Variants in DTNB observed in about 807,000 individuals in gnomAD.
DTNB encodes dystrobrevin beta, also known as DTN-B.
Under a neutral mutation model 90.7 loss-of-function variants are expected in DTNB, and 63 were observed. The observed-to-expected ratio is 0.69, with a 90% CI of 0.57 to 0.86. The LOEUF (loss-of-function observed/expected upper bound fraction) is 0.86. Ranked by LOEUF, DTNB falls within the 40% of genes least tolerant of loss-of-function variation. The pLI is 0.00. For synonymous variants in DTNB, 277 were observed against 286.7 expected, an observed-to-expected ratio of 0.97 and a Z score of 0.34; for missense variants, 744 against 807.1, an observed-to-expected ratio of 0.92 and a Z score of 0.95.
chr2:25,412,001 G>C (rs2046743130), intron 16 of DTNB, among the ~76,000 whole-genome samples: 1 of 152,198 alleles, frequency 6.6e-6, no homozygotes, highest in Admixed American at 6.5e-5. Context: ...AAGGGAACGT[G>C]ACCCATGAGG....
intron 2 of DTNB, among the ~76,000 whole-genome samples, chr2:25,643,052 C>G (rs754779841): frequency 3.3e-5 from 5 of 152,152 alleles, no homozygotes; most frequent in Non-Finnish European, 5.9e-5. Context: ...CCGCGCCCGG[C>G]CCCAGTAGAG....
At chr2:25,391,651 T>A (rs1179106209) in intron 16 of DTNB, among the ~76,000 whole-genome samples, 1 of 152,114 alleles carries the variant, frequency 6.6e-6, no homozygotes. Flanking sequence ...GATAGAAATG[T>A]AAAATGGCCA....
At chr2:25,493,220 C>T (rs746829350) in intron 9 of DTNB, among the ~76,000 whole-genome samples, 7 of 152,072 alleles carry the variant, frequency 4.6e-5, no homozygotes, top group African/African-American at 7.2e-5. Flanking sequence ...TTCATTTGCT[C>T]GACTTCTTTT....
intron 12 of DTNB, among the ~76,000 whole-genome samples, chr2:25,445,920 G>GTT (rs11453188): frequency 0.029 from 4,034 of 137,052 alleles, 169 homozygotes; most frequent in African/African-American, 0.088. Flanking sequence ...ACCCTGGGTA[G>GTT]TTTTTTTTTT....
chr2:25,538,273 C>A (rs774868245), intron 8 of DTNB, among the ~76,000 whole-genome samples: 1 of 152,056 alleles, frequency 6.6e-6, no homozygotes, highest in Non-Finnish European at 1.5e-5. Context: ...GGTGTGATGA[C>A]ACATGCCTGT....
At chr2:25,492,787 C>A (rs535831351) in intron 9 of DTNB, among the ~76,000 whole-genome samples, 8 of 152,096 alleles carry the variant, frequency 5.3e-5, no homozygotes, top group African/African-American at 1.9e-4. Flanking sequence ...GAGACTGAGG[C>A]TGTAGTGAGC....
intron 16 of DTNB, among the ~76,000 whole-genome samples, chr2:25,392,113 A>C (rs921895166): frequency 6.6e-6 from 1 of 152,188 alleles, no homozygotes; most frequent in Non-Finnish European, 1.5e-5. Context: ...ACAATACAAA[A>C]GATAAATGAA....
intron 4 of DTNB, among the ~76,000 whole-genome samples, chr2:25,615,743 T>C (rs1358034532): frequency 3.9e-5 from 6 of 152,214 alleles, no homozygotes; most frequent in Admixed American, 3.3e-4. Flanking sequence ...AACATGTATA[T>C]TTCTTATTAT....
rs555121961 is a variant in DTNB, at chr2:25,378,296, C to T, written c.*30-743G>A. ...GAAGCCTCTCTCCAAGCCCCTGGGG[C>T]GCTGTGATTTCCAGGGCAGCGAGAG... On this transcript the variant is annotated intron_variant, in intron 20 of 20. Coordinates refer to ENST00000406818, the MANE Select transcript of DTNB (RefSeq NM_021907.5). Among the ~76,000 whole-genome samples, 26 of 152,298 alleles carry T rather than the reference C, an allele frequency of 1.7e-4. No individual in the cohort carries two copies. In the East Asian group the frequency reaches 3.3e-3, roughly 19 times the overall value.
intron 3 of DTNB, among the ~76,000 whole-genome samples, chr2:25,629,306 T>C (rs2075171968): frequency 6.6e-6 from 1 of 152,138 alleles, no homozygotes; most frequent in African/African-American, 2.4e-5. Context: ...TTTCCAACGC[T>C]GAAAAACTAG....
rs541963210 is a variant in DTNB, at chr2:25,387,138, C to T, written c.1825+151G>A. 8 of 655,486 alleles carry T rather than the reference C, an allele frequency of 1.2e-5. No homozygotes were observed. Among genetic ancestry groups the T allele is most frequent in the Non-Finnish European group, 2.1e-5 (8 of 381,124 alleles). The allele number at this position is 655,486 out of a possible 1,614,324, so 40.6% of individuals were successfully genotyped here. ...GTGACAGAGGCTCTCTGGGTGGAGA[C>T]ATCCAGTGTGTTCCTAGAAGGCAAA... On this transcript the variant is annotated intron_variant, in intron 18 of 20. Coordinates refer to ENST00000406818, the MANE Select transcript of DTNB (RefSeq NM_021907.5). This position sits in a 1 kb window ranked among gnomAD's most constrained non-coding sequence, Gnocchi z 4.5.
chr2:25,408,954 G>T (rs1352259570), intron 16 of DTNB, among the ~76,000 whole-genome samples: 1 of 152,202 alleles, frequency 6.6e-6, no homozygotes, highest in Non-Finnish European at 1.5e-5. Context: ...AGATGCTGAG[G>T]TGAGGCACAA....
intron 8 of DTNB, among the ~76,000 whole-genome samples, chr2:25,545,326 T>C (rs568564098): frequency 2.0e-4 from 30 of 152,320 alleles, no homozygotes; most frequent in African/African-American, 5.8e-4. Flanking sequence ...CTATCTGTTG[T>C]GTTTGTTTGC....
intron 5 of DTNB, among the ~76,000 whole-genome samples, chr2:25,604,187 A>G (rs777009109): frequency 2.7e-4 from 41 of 151,892 alleles, no homozygotes; most frequent in East Asian, 7.7e-4. Context: ...CACTGCCGCC[A>G]CCACCACCAC....
chr2:25,613,265 T>C (rs764201143), intron 4 of DTNB, among the ~76,000 whole-genome samples: 16 of 152,098 alleles, frequency 1.1e-4, no homozygotes, highest in Non-Finnish European at 1.9e-4. Context: ...TTATTTTAGA[T>C]TGAGGGAATA....
intron 2 of DTNB, among the ~76,000 whole-genome samples, chr2:25,644,690 C>T (rs1011407139): frequency 5.9e-5 from 9 of 152,118 alleles, no homozygotes; most frequent in Non-Finnish European, 1.0e-4. Flanking sequence ...GAGGCGAAGG[C>T]GGAGGCTTCA....
At chr2:25,532,641 AG>A (rs2078470075) in intron 8 of DTNB, among the ~76,000 whole-genome samples, 1 of 152,266 alleles carries the variant, frequency 6.6e-6, no homozygotes, top group Admixed American at 6.5e-5. Flanking sequence ...TCATATTTAA[AG>A]GAGGCTCCTT....
chr2:25,569,684 C>A (rs1476342967), intron 8 of DTNB, among the ~76,000 whole-genome samples: 1 of 152,172 alleles, frequency 6.6e-6, no homozygotes, highest in East Asian at 1.9e-4. Context: ...CACAGTTTCC[C>A]CACAATTAAA....
At chr2:25,462,636 T>A (rs977771616) in intron 10 of DTNB, among the ~76,000 whole-genome samples, 2 of 152,220 alleles carry the variant, frequency 1.3e-5, no homozygotes, top group Non-Finnish European at 1.5e-5. Context: ...GTTGTCATAG[T>A]CATTAGCAAC....
Sources: gnomAD v4.1 joint callset for allele counts (sites outside exome capture counted in the v4.1 genomes callset) on GRCh38, gnomAD v4.1.1 for gene constraint, Gnocchi (gnomAD v3.1) non-coding constraint, MANE v1.5 for transcripts, NCBI Gene and HGNC (gene_info 2026-07-23, HGNC 2026-07-21) for gene names.